GNG12: variants seen among roughly 807,000 people sequenced by gnomAD.
GNG12 encodes G protein subunit gamma 12, also known as guanine nucleotide-binding protein G(I)/G(S)/G(O) subunit gamma-12.
For missense variants in GNG12, 69 were observed against 83.8 expected (o/e 0.82, Z 0.69); for synonymous variants, 28 against 29.7 (o/e 0.94, Z 0.19).
intron 1 of GNG12, among the ~76,000 whole-genome samples, chr1:67,818,424 T>TG (rs1394667431): frequency 6.8e-6 from 1 of 147,820 alleles, no homozygotes; most frequent in African/African-American, 2.5e-5. Flanking sequence ...TTTTTTTTTT[T>TG]TTTTTTTTTT....
At chr1:67,726,380 C>CT (rs1394557692) in intron 2 of GNG12, among the ~76,000 whole-genome samples, 1 of 152,206 alleles carries the variant, frequency 6.6e-6, no homozygotes, top group African/African-American at 2.4e-5. Flanking sequence ...CATGGATGGT[C>CT]TTGGCAGGAA....
intron 1 of GNG12, among the ~76,000 whole-genome samples, chr1:67,828,083 C>G (rs890069286): frequency 6.6e-6 from 1 of 152,162 alleles, no homozygotes; most frequent in Non-Finnish European, 1.5e-5. Context: ...TTTAGCGAGT[C>G]AGTTCCTTCA....
chr1:67,733,090 T>C (rs1044727379), intron 2 of GNG12, among the ~76,000 whole-genome samples: 14 of 152,306 alleles, frequency 9.2e-5, no homozygotes, highest in Middle Eastern at 3.4e-3. Flanking sequence ...TTAGTGTGCA[T>C]GGTGCAGAGC....
At chr1:67,820,063 A>G (rs1228301679) in intron 1 of GNG12, among the ~76,000 whole-genome samples, 1 of 149,106 alleles carries the variant, frequency 6.7e-6, no homozygotes, top group East Asian at 2.0e-4. Flanking sequence ...CCCCAAGTAG[A>G]CAATCAATAA....
At chr1:67,788,337 T>C (rs935581886) in intron 1 of GNG12, among the ~76,000 whole-genome samples, 1 of 152,004 alleles carries the variant, frequency 6.6e-6, no homozygotes, top group African/African-American at 2.4e-5. Context: ...ATTTGTTTTG[T>C]TTTGTTTTGT....
At chr1:67,709,061 T>C (rs1472780388) in intron 2 of GNG12, among the ~76,000 whole-genome samples, 1 of 152,246 alleles carries the variant, frequency 6.6e-6, no homozygotes, top group Non-Finnish European at 1.5e-5. Flanking sequence ...GTAGGGCTTG[T>C]AGCCTCTGTG....
In GNG12 at chr1:67,809,867, TA is replaced by T. The variant is rs375247070; in HGVS notation, c.-77+23476del. 3.6e-3 allele frequency among the ~76,000 whole-genome samples: 539 copies of T among 149,832 alleles called. 2 individuals are homozygous for T. The highest frequency in any genetic ancestry group is 0.012 in the African/African-American group (500 of 40,976). On this transcript the variant is annotated intron_variant, in intron 1 of 3. Transcript: ENST00000370982. The stretch of plus-strand genomic sequence containing the variant: ...CCACTTTGGAAGACAGTTTGGCAGT[TA>T]AAAAAAAAATTAGACATAGTTTTAA...
At chr1:67,715,605 C>G (rs967489300) in intron 2 of GNG12, among the ~76,000 whole-genome samples, 4 of 152,210 alleles carry the variant, frequency 2.6e-5, no homozygotes, top group Admixed American at 2.6e-4. Flanking sequence ...ATGGCTGCAG[C>G]AGCCTCTTGA....
chr1:67,769,486 C>G (rs909433493), intron 2 of GNG12, among the ~76,000 whole-genome samples: 10 of 152,188 alleles, frequency 6.6e-5, no homozygotes, highest in African/African-American at 2.4e-4. Context: ...AGTTCATAAA[C>G]TCTGCATGGA....
chr1:67,761,455 T>C (rs892573502), intron 2 of GNG12, among the ~76,000 whole-genome samples: 1 of 152,190 alleles, frequency 6.6e-6, no homozygotes, highest in Non-Finnish European at 1.5e-5. Flanking sequence ...AAACCTTATG[T>C]ATTGGTGTCC....
chr1:67,791,028 C>T (rs184665481), intron 1 of GNG12, among the ~76,000 whole-genome samples: 1 of 152,134 alleles, frequency 6.6e-6, no homozygotes, highest in Non-Finnish European at 1.5e-5. Flanking sequence ...TTATTTATAT[C>T]TAATTTTCTA....
intron 2 of GNG12, chr1:67,777,117 G>T (rs1234656651): frequency 6.6e-6 from 1 of 152,140 alleles, no homozygotes; most frequent in African/African-American, 2.4e-5. Context: ...CACACTACAA[G>T]AAACTGTCTG....
chr1:67,773,114 A>C (rs975556761), intron 2 of GNG12, among the ~76,000 whole-genome samples: 1 of 152,220 alleles, frequency 6.6e-6, no homozygotes, highest in African/African-American at 2.4e-5. Context: ...TGCAACCAAA[A>C]TACTCCTAAT....
At chr1:67,776,596 T>C (rs1020431240) in intron 2 of GNG12, among the ~76,000 whole-genome samples, 1 of 152,116 alleles carries the variant, frequency 6.6e-6, no homozygotes, top group Non-Finnish European at 1.5e-5. Flanking sequence ...GATACATGGC[T>C]TAGTCATCAT....
In GNG12 at chr1:67,749,752, G is replaced by C. The variant is rs564613389; in HGVS notation, c.-27+27706C>G. Among the ~76,000 whole-genome samples the C allele has an allele frequency of 1.6e-4, 24 of 152,290 alleles. No homozygotes were observed. In the South Asian group the frequency reaches 4.8e-3, roughly 30 times the overall value. ...AGGCTATCGGCATTCCCAGTGGGAT[G>C]CACCACAGCCCCAGACTGAGAATTT... On this transcript the variant is annotated intron_variant, in intron 2 of 3. Coordinates refer to ENST00000370982, the MANE Select transcript of GNG12 (RefSeq NM_018841.6).
intron 1 of GNG12, among the ~76,000 whole-genome samples, chr1:67,781,585 T>A (rs191994630): frequency 0.012 from 1,874 of 152,300 alleles, 19 homozygotes; most frequent in Non-Finnish European, 0.021. Context: ...AGTGACCTAA[T>A]GAAGAGTTTA....
chr1:67,705,398 C>A lies in GNG12; in HGVS notation c.*53G>T. The A allele has an allele frequency of 6.3e-7, 1 of 1,599,228 alleles. No homozygotes were observed. Among genetic ancestry groups the A allele is most frequent in the Non-Finnish European group, 8.5e-7 (1 of 1,173,696 alleles). The stretch of plus-strand genomic sequence containing the variant: ...GCTGAAGGTAAATCTCTTCAAGGAG[C>A]TGCTCATAATTTGCGTTGTTGGGAA... On this transcript the variant is annotated 3_prime_UTR_variant, in exon 4 of 4. Transcript: ENST00000370982.
intron 2 of GNG12, among the ~76,000 whole-genome samples, chr1:67,713,881 C>G (rs963414452): frequency 6.6e-6 from 1 of 152,164 alleles, no homozygotes; most frequent in East Asian, 1.9e-4. Context: ...AAAACATGTG[C>G]TTGGTGGGAA....
chr1:67,819,601 A>C (rs2100819977), intron 1 of GNG12, among the ~76,000 whole-genome samples: 1 of 152,328 alleles, frequency 6.6e-6, no homozygotes, highest in African/African-American at 2.4e-5. Context: ...TTTCTGAACA[A>C]AAAGCAGATT....
Sources: allele counts gnomAD v4.1 joint callset (sites outside exome capture counted in the v4.1 genomes callset), GRCh38; gene constraint gnomAD v4.1.1; transcripts MANE v1.5; gene names NCBI Gene and HGNC (gene_info 2026-07-23, HGNC 2026-07-21).